The following SYNE2 variants were observed in gnomAD, a reference collection of about 807,000 sequenced individuals.
SYNE2 encodes the protein spectrin repeat containing nuclear envelope protein 2.
Under a neutral mutation model 856.3 loss-of-function variants are expected in SYNE2, and 431 were observed. The observed-to-expected ratio is 0.50, with a 90% CI of 0.47 to 0.55. The LOEUF (loss-of-function observed/expected upper bound fraction) is 0.55. Ranked by LOEUF, SYNE2 falls within the 20% of genes least tolerant of loss-of-function variation. The pLI is 0.00. For synonymous variants in SYNE2, 2,923 were observed against 2,872.3 expected (o/e 1.02, Z -0.56); for missense variants, 8,129 against 8,023.2 (o/e 1.01, Z -0.50).
At chr14:63,953,801 G>T (rs555565487) in intron 7 of SYNE2, among the ~76,000 whole-genome samples, 21 of 152,274 alleles carry the variant, frequency 1.4e-4, no homozygotes, top group Admixed American at 1.2e-3. Flanking sequence ...CTATGAATTT[G>T]ACTACTCTAC....
intron 1 of SYNE2, among the ~76,000 whole-genome samples, chr14:63,860,916 C>T (rs1893415290): frequency 6.6e-6 from 1 of 152,072 alleles, no homozygotes; most frequent in African/African-American, 2.4e-5. Context: ...GCATGGTCAG[C>T]TGGAGCAGTG....
In SYNE2 at chr14:63,963,998, A is replaced by C; in HGVS notation, c.988A>C (p.Asn330His). The C allele has an allele frequency of 6.4e-7, 1 of 1,560,646 alleles. No homozygotes were observed. Among genetic ancestry groups the C allele is most frequent in the Non-Finnish European group, 8.8e-7 (1 of 1,132,834 alleles). ...GAATGATACCTACTTTAAAAAGTAT[A>C]ATGTAAGTATGATTTTAAACAGCTG... is the stretch of plus-strand genomic sequence containing the variant. ...SENDTYFKKY[N>H]SLLSFMESFN... The change falls in exon 10 of 116, where the codon AAT (asparagine) becomes CAT (histidine). Residue 330 changes from asparagine to histidine, a missense_variant and splice_region_variant. Around this residue, in one of 3 missense-constraint regions of SYNE2, gnomAD observed 2,422 missense variants for 2,357.4 expected, o/e 1.03. Transcript: ENST00000555002.
intron 47 of SYNE2, among the ~76,000 whole-genome samples, chr14:64,051,329 CAAAGT>C (rs984483102): frequency 3.3e-4 from 50 of 149,718 alleles, no homozygotes; most frequent in Middle Eastern, 3.4e-3. Flanking sequence ...TTTTTTCACT[CAAAGT>C]AAAAGCCAAG....
Position 64,210,121 on chromosome 14 carries a change from C to A in SYNE2, c.18720C>A (p.Leu6240=). 2 of 1,613,386 alleles carry A rather than the reference C, an allele frequency of 1.2e-6. No individual in the cohort carries two copies. Among genetic ancestry groups the A allele is most frequent in the Non-Finnish European group, 8.5e-7 (1 of 1,179,626 alleles). ...QRRVTAVLRR[L]RHFTNQREEF... The stretch of plus-strand genomic sequence containing the variant: ...GGGTCACAGCCGTCCTGCGGAGACT[C>A]AGGGTGAGCTCCTCTGCACCTGGCT... The change falls in exon 103 of 116, where the codon CTC becomes CTA. Residue 6240 remains leucine, a synonymous_variant. Coordinates refer to ENST00000555002, the MANE Select transcript of SYNE2 (RefSeq NM_182914.3).
At chr14:64,208,376 T>G (rs1179244425) in intron 100 of SYNE2, among the ~76,000 whole-genome samples, 1 of 152,132 alleles carries the variant, frequency 6.6e-6, no homozygotes, top group Non-Finnish European at 1.5e-5. Flanking sequence ...TGAAACCAAG[T>G]CTAAACTGGA....
intron 1 of SYNE2, among the ~76,000 whole-genome samples, chr14:63,876,645 G>A (rs1280549951): frequency 6.6e-6 from 1 of 151,746 alleles, no homozygotes; most frequent in African/African-American, 2.4e-5. Flanking sequence ...CCACCACCAC[G>A]CCCGGCTAAT....
At chr14:63,851,145 G>T (rs144877930), upstream of SYNE2, among the ~76,000 whole-genome samples, 394 of 152,138 alleles carry the variant, frequency 2.6e-3, no homozygotes, top group African/African-American at 9.1e-3. Flanking sequence ...GATGGATCAC[G>T]AGGTCAGGAG....
chr14:64,213,624 A>G (rs1596269973), intron 105 of SYNE2, among the ~76,000 whole-genome samples: 1 of 152,152 alleles, frequency 6.6e-6, no homozygotes, highest in East Asian at 1.9e-4. Flanking sequence ...CCACATTCAA[A>G]TGTAGTTATT....
At chr14:63,899,467 G>T (rs1021360975) in intron 1 of SYNE2, among the ~76,000 whole-genome samples, 1 of 152,150 alleles carries the variant, frequency 6.6e-6, no homozygotes, top group African/African-American at 2.4e-5. Context: ...CTCCCAAAGT[G>T]CTGGGATTAC....
Position 64,048,132 on chromosome 14 carries a change from A to C in SYNE2, c.7354A>C (p.Asn2452His). The C allele has an allele frequency of 6.2e-7, 1 of 1,613,496 alleles. No individual in the cohort carries two copies. Among genetic ancestry groups the C allele is most frequent in the Non-Finnish European group, 8.5e-7 (1 of 1,179,656 alleles). Residue 2452 changes from asparagine (N) to histidine (H), a missense_variant, in exon 46 of 116, where the codon AAT (asparagine) becomes CAT (histidine). Transcript: ENST00000555002. ...TTTAGAATTAGATACTATGTTAAGA[A>C]ATGAACAATTAGAAGAGATAGAGGT... is the stretch of plus-strand genomic sequence containing the variant. ...QPLELDTMLR[N>H]EQLEEIEKLY... is the part of the protein sequence containing the mutation.
intron 1 of SYNE2, among the ~76,000 whole-genome samples, chr14:63,875,407 A>G (rs2094692228): frequency 6.6e-6 from 1 of 152,214 alleles, no homozygotes; most frequent in South Asian, 2.1e-4. Flanking sequence ...AAAACCCTTT[A>G]CAGATACTAA....
rs556026578 is a variant in SYNE2, at chr14:64,098,761, C to T, written c.12321C>T (p.Gly4107=). ...DASERKLNRR[G]SMSYLAAVEE... is the part of the protein sequence containing the mutation. Reference sequence around the variant, plus strand: ...GTGCCTTTCAGTTGAACAGAAGAGGCTCCATGTCTTACCTGGCAGCAGTCG... The same window carrying T: ...GTGCCTTTCAGTTGAACAGAAGAGGTTCCATGTCTTACCTGGCAGCAGTCG... The change falls in exon 63 of 116, where the codon GGC becomes GGT. Residue 4107 remains glycine (G), a synonymous_variant. Coordinates refer to ENST00000555002, the MANE Select transcript of SYNE2 (RefSeq NM_182914.3). The T allele has an allele frequency of 1.1e-5, 17 of 1,614,028 alleles. No homozygotes were observed. The South Asian group carries it at 1.1e-4, about 10-fold the overall frequency.
At chr14:63,909,331 A>G (rs536953992) in intron 2 of SYNE2, 104 bp downstream of exon 2, 3 of 681,748 alleles carry the variant, frequency 4.4e-6, no homozygotes, top group Non-Finnish European at 7.7e-6. Context: ...GGAGATAAAT[A>G]TATCTGTATT....
At chr14:63,840,543 T>C (rs1377930969) in intron 1 of SYNE2, among the ~76,000 whole-genome samples, 1 of 146,098 alleles carries the variant, frequency 6.8e-6, no homozygotes, top group African/African-American at 2.5e-5. Flanking sequence ...GGTCTCACTA[T>C]ATTGCCAGGC....
rs1219001379 is a variant in SYNE2, at chr14:64,202,948, G to C, written c.18186G>C (p.Arg6062Ser). ...GCGATGATCAAGAGATCCAGAAGAG[G>C]CTCGCTGAGCAGCAGGTGGGACAAT... ...DVCDDQEIQK[R>S]LAEQQDLQRD... The change falls in exon 100 of 116, where the codon AGG becomes AGC. Residue 6062 changes from arginine to serine, a missense_variant. Transcript: ENST00000555002. 1 of 1,614,164 alleles carries C rather than the reference G, an allele frequency of 6.2e-7. No homozygotes were observed. Among genetic ancestry groups the C allele is most frequent in the Admixed American group, 1.7e-5 (1 of 60,026 alleles).
intron 1 of SYNE2, among the ~76,000 whole-genome samples, chr14:63,847,060 G>A (rs938481427): frequency 1.3e-5 from 2 of 151,274 alleles, no homozygotes; most frequent in African/African-American, 2.4e-5. Context: ...CGGCTCAAGC[G>A]ATCCTCCTGT....
chr14:63,939,713 A>T (rs1215395107), intron 2 of SYNE2, among the ~76,000 whole-genome samples: 2 of 152,226 alleles, frequency 1.3e-5, no homozygotes, highest in Non-Finnish European at 2.9e-5. Flanking sequence ...TAATCACTTT[A>T]AGTGAATCAT....
intron 7 of SYNE2, among the ~76,000 whole-genome samples, chr14:63,950,416 G>T (rs908381774): frequency 2.0e-5 from 3 of 152,158 alleles, no homozygotes; most frequent in South Asian, 4.2e-4. Flanking sequence ...TTAGCCTGGC[G>T]TGGTGGCATG....
At chr14:64,074,670 C>T (rs1359680837) in intron 53 of SYNE2, among the ~76,000 whole-genome samples, 1 of 152,124 alleles carries the variant, frequency 6.6e-6, no homozygotes, top group Non-Finnish European at 1.5e-5. Flanking sequence ...TCCAGGCAGG[C>T]AGATCACTTG....
Sources: gnomAD v4.1 joint callset for allele counts (sites outside exome capture counted in the v4.1 genomes callset) on GRCh38, gnomAD v4.1.1 for gene constraint, gnomAD v4.1.1 regional missense constraint, MANE v1.5 for transcripts, NCBI Gene and HGNC (gene_info 2026-07-23, HGNC 2026-07-21) for gene names.